The following SLC24A2 variants were observed in gnomAD, a reference collection of about 807,000 sequenced individuals.
SLC24A2 encodes the protein solute carrier family 24 member 2, also known as sodium/potassium/calcium exchanger 2.
Under a neutral mutation model 62.0 loss-of-function variants are expected in SLC24A2, and 36 were observed. That is an observed-to-expected ratio of 0.58 (90% confidence interval 0.44 to 0.77). The LOEUF (loss-of-function observed/expected upper bound fraction) is 0.77, where lower values mean the gene tolerates loss of function less well. Among genes scored for constraint, SLC24A2 ranks in the 30% least tolerant of loss-of-function variants. SLC24A2 has a pLI of 0.00. For missense variants in SLC24A2, 846 were observed against 817.9 expected (o/e 1.03, Z -0.42); for synonymous variants, 358 against 294.0 (o/e 1.22, Z -2.23).
chr9:20,110,838 T>C, the SLC24A2 span, among the ~76,000 whole-genome samples: 1 of 152,368 alleles, frequency 6.6e-6, no homozygotes, highest in South Asian at 2.1e-4. Flanking sequence ...CACAATACTA[T>C]ATTTCACCAA....
chr9:19,635,949 G>A (rs1311835580), intron 2 of SLC24A2, among the ~76,000 whole-genome samples: 2 of 152,112 alleles, frequency 1.3e-5, no homozygotes, highest in Non-Finnish European at 1.5e-5. Context: ...GCAGGTTAAC[G>A]TCTGCTACTG....
At chr9:19,957,523 C>G in the SLC24A2 span, 1 of 152,210 alleles carries the variant, frequency 6.6e-6, no homozygotes, top group Non-Finnish European at 1.5e-5. Context: ...GAGCATAGGT[C>G]AGTTCCACTG....
chr9:20,097,720 ATTTTTTTTTTTTTTTTTTTTTT>A, the SLC24A2 span, among the ~76,000 whole-genome samples: 80 of 69,116 alleles, frequency 1.2e-3, no homozygotes, highest in African/African-American at 3.0e-3. Context: ...ATCTTAAATA[ATTTTTTTTTTTTTTTTTTTTTT>A]TTTTTTTTTT....
the SLC24A2 span, among the ~76,000 whole-genome samples, chr9:19,912,718 G>A: frequency 6.6e-5 from 10 of 152,126 alleles, no homozygotes; most frequent in Admixed American, 2.0e-4. Context: ...GCTCACATTA[G>A]AACCTCCAGT....
At chr9:19,847,435 A>G in the SLC24A2 span, among the ~76,000 whole-genome samples, 1 of 152,148 alleles carries the variant, frequency 6.6e-6, no homozygotes, top group African/African-American at 2.4e-5. Flanking sequence ...AAAACTCTCA[A>G]TTGCATTACC....
chr9:19,563,908 C>T (rs536340052), intron 7 of SLC24A2, among the ~76,000 whole-genome samples: 1 of 146,056 alleles, frequency 6.8e-6, no homozygotes, highest in African/African-American at 2.5e-5. Context: ...GGCTGGAGTG[C>T]ACTAGGGTGA....
intron 8 of SLC24A2, among the ~76,000 whole-genome samples, chr9:19,543,737 G>T (rs1417056752): frequency 1.3e-5 from 2 of 152,176 alleles, no homozygotes; most frequent in African/African-American, 2.4e-5. Flanking sequence ...TAGTTGTGCA[G>T]TTTTGAGTGA....
rs958022986 is a variant in SLC24A2 at position 19,510,793 on chromosome 9, G to A, written c.*5360C>T. 6.6e-6 allele frequency: 1 copy of A among 152,230 alleles called. No homozygotes were observed. The highest frequency in any genetic ancestry group is 2.4e-5 in the African/African-American group (1 of 41,458). 9.4% of individuals were successfully genotyped at this position (152,230 alleles called of 1,614,324 possible). ...ATGGTGCTCTACACAGTCCCTCACT[G>A]TTCGTACGCTAATTTGAAAACAGTT... On this transcript the variant is annotated 3_prime_UTR_variant, in exon 11 of 11. Transcript: ENST00000341998.
chr9:20,241,792 G>T, the SLC24A2 span, among the ~76,000 whole-genome samples: 1 of 152,032 alleles, frequency 6.6e-6, no homozygotes, highest in Non-Finnish European at 1.5e-5. Context: ...CTGGGAAGAT[G>T]ATCAACCCGG....
intron 5 of SLC24A2, among the ~76,000 whole-genome samples, chr9:19,582,293 T>G (rs1456628886): frequency 6.6e-6 from 1 of 152,206 alleles, no homozygotes; most frequent in Admixed American, 6.5e-5. Context: ...TGAATTTTGT[T>G]TCTCTTCTGC....
At chr9:19,694,195 G>C (rs1314716648) in intron 2 of SLC24A2, among the ~76,000 whole-genome samples, 1 of 151,970 alleles carries the variant, frequency 6.6e-6, no homozygotes, top group African/African-American at 2.4e-5. Flanking sequence ...AATAATAAAT[G>C]ATGAAATCTC....
chr9:20,249,678 C>G, the SLC24A2 span, among the ~76,000 whole-genome samples: 1 of 131,158 alleles, frequency 7.6e-6, no homozygotes, highest in Non-Finnish European at 1.5e-5. Flanking sequence ...GCACTCCAGC[C>G]TGGGCAGCAG....
At chr9:20,213,265 A>C in the SLC24A2 span, among the ~76,000 whole-genome samples, 1 of 151,940 alleles carries the variant, frequency 6.6e-6, no homozygotes, top group African/African-American at 2.4e-5. Context: ...AGAAAAAGTA[A>C]AAACTGGATT....
the SLC24A2 span, among the ~76,000 whole-genome samples, chr9:19,904,831 C>T: frequency 6.6e-6 from 1 of 151,990 alleles, no homozygotes; most frequent in African/African-American, 2.4e-5. Context: ...AACTTTTTTG[C>T]TTTTTTCTGC....
At chr9:19,572,194 A>C (rs1360521619) in intron 7 of SLC24A2, among the ~76,000 whole-genome samples, 1 of 124,032 alleles carries the variant, frequency 8.1e-6, no homozygotes, top group Non-Finnish European at 1.6e-5. Flanking sequence ...CAGGAGGTGG[A>C]GGTTGCAGTG....
the SLC24A2 span, among the ~76,000 whole-genome samples, chr9:20,117,463 G>A: frequency 2.6e-5 from 4 of 152,058 alleles, no homozygotes; most frequent in African/African-American, 9.7e-5. Context: ...CAGCTGCCAC[G>A]TTTGTATGTA....
chr9:20,164,363 CG>C, the SLC24A2 span, among the ~76,000 whole-genome samples: 11 of 151,974 alleles, frequency 7.2e-5, no homozygotes, highest in South Asian at 1.5e-3. Flanking sequence ...ATTTATGCAG[CG>C]AAAAAAACAC....
rs1458591571 is a variant in SLC24A2 at position 19,508,759 on chromosome 9, A to G, written c.*7394T>C. The G allele has an allele frequency of 6.6e-6, 1 of 151,758 alleles. No homozygotes were observed. The highest frequency in any genetic ancestry group is 1.5e-5 in the Non-Finnish European group (1 of 68,002). The allele number at this position is 151,758 out of a possible 1,614,324, so 9.4% of individuals were successfully genotyped here. On this transcript the variant is annotated 3_prime_UTR_variant, in exon 11 of 11. Transcript: ENST00000341998. ...CACTGAGCTATGATTGCACCACTGC[A>G]CTCTAGCCTGGGTGACAGAGCAAGA...
At chr9:20,164,136 T>A in the SLC24A2 span, among the ~76,000 whole-genome samples, 78 of 152,096 alleles carry the variant, frequency 5.1e-4, 2 homozygotes, top group South Asian at 0.014. Flanking sequence ...ACAAATGGGA[T>A]CTCATTAAAC....
Sources: allele counts gnomAD v4.1 joint callset (sites outside exome capture counted in the v4.1 genomes callset), GRCh38; gene constraint gnomAD v4.1.1; transcripts MANE v1.5; gene names NCBI Gene and HGNC (gene_info 2026-07-23, HGNC 2026-07-21).